The following KLF12 variants were observed in gnomAD, a reference collection of about 807,000 sequenced individuals.
The protein encoded by KLF12 is KLF transcription factor 12, also known as Krueppel-like factor 12.
In KLF12, 9 loss-of-function variants were observed where a neutral mutation model predicts 37.8. The observed-to-expected ratio is 0.24, with a 90% confidence interval of 0.14 to 0.42. KLF12 has a LOEUF of 0.42. Among genes scored for constraint, KLF12 ranks in the 10% least tolerant of loss-of-function variants. The pLI, the probability that KLF12 is intolerant of heterozygous loss-of-function variation, is 1.00. For missense variants in KLF12, 411 were observed against 516.0 expected (o/e 0.80, Z 1.97); for synonymous variants, 208 against 202.1 (o/e 1.03, Z -0.25).
At chr13:73,769,144 T>C (rs1880116499) in intron 5 of KLF12, among the ~76,000 whole-genome samples, 1 of 152,228 alleles carries the variant, frequency 6.6e-6, no homozygotes, top group African/African-American at 2.4e-5. Context: ...TTCCTTGTTA[T>C]ATTAGCATTG....
At chr13:73,866,772 G>C (rs1452273844) in intron 3 of KLF12, among the ~76,000 whole-genome samples, 2 of 151,556 alleles carry the variant, frequency 1.3e-5, no homozygotes, top group Admixed American at 1.3e-4. Context: ...AAAGAGCAAA[G>C]GAAAAGGTAA....
the KLF12 span, among the ~76,000 whole-genome samples, chr13:74,260,928 A>G: frequency 1.3e-5 from 2 of 152,188 alleles, no homozygotes; most frequent in Admixed American, 1.3e-4. Context: ...AGCAAACTAA[A>G]TATTTTGAAA....
At position 73,835,878 on chromosome 13, in the gene KLF12, A is replaced by G. The variant is rs1474303008; in HGVS notation, c.670+9949T>C. 2.0e-5 allele frequency among the ~76,000 whole-genome samples: 3 copies of G among 152,172 alleles called. No individual in the cohort carries two copies. In the East Asian group the frequency reaches 5.8e-4, roughly 29 times the overall value. On this transcript the variant is annotated intron_variant, in intron 4 of 7. Coordinates refer to ENST00000377669, the MANE Select transcript of KLF12 (RefSeq NM_007249.5). ...TGAGCTACTAAACTGATATCCAACC[A>G]GAAATGACCCCCAGTGTGATAATCA... is the stretch of plus-strand genomic sequence containing the variant.
chr13:73,984,799 C>T (rs1280060325), intron 2 of KLF12, among the ~76,000 whole-genome samples: 1 of 152,200 alleles, frequency 6.6e-6, no homozygotes, highest in African/African-American at 2.4e-5. Flanking sequence ...ACGGATTCCT[C>T]CAGTTTGAAG....
chr13:74,038,403 TAC>T (rs1384882317), intron 1 of KLF12, among the ~76,000 whole-genome samples: 2 of 152,192 alleles, frequency 1.3e-5, no homozygotes, highest in Non-Finnish European at 1.5e-5. Flanking sequence ...ATGCTGGGGC[TAC>T]AGACACAACA....
intron 6 of KLF12, among the ~76,000 whole-genome samples, chr13:73,746,808 TCC>T (rs1163797169): frequency 3.4e-4 from 44 of 127,696 alleles, no homozygotes; most frequent in Non-Finnish European, 6.1e-4. Context: ...CCTCCCTCCC[TCC>T]TTTTTTTTTT....
chr13:74,103,887 T>C (rs1427356365), intron 1 of KLF12, among the ~76,000 whole-genome samples: 2 of 152,194 alleles, frequency 1.3e-5, no homozygotes, highest in Admixed American at 6.5e-5. Flanking sequence ...ACAAAGTAAT[T>C]GAGAAACAAA....
rs563215114 is a variant in KLF12, at chr13:74,039,179, G to A, written c.-31-44126C>T. ...TTTAATTTATTAGTCTCTCTGCCAAGTTGGTCTAATCAGATCTTTGGGTTC... is the reference window on the plus strand; with the variant it reads ...TTTAATTTATTAGTCTCTCTGCCAAATTGGTCTAATCAGATCTTTGGGTTC... On this transcript the variant is annotated intron_variant, in intron 1 of 7. Coordinates refer to ENST00000377669, the MANE Select transcript of KLF12 (RefSeq NM_007249.5). Among the ~76,000 whole-genome samples, 359 of 152,072 alleles carry A rather than the reference G, an allele frequency of 2.4e-3. 1 individual carries two copies. Among genetic ancestry groups the A allele is most frequent in the Admixed American group, 4.9e-3 (75 of 15,254 alleles).
At chr13:73,869,415 T>C (rs561749580) in intron 3 of KLF12, among the ~76,000 whole-genome samples, 5 of 152,152 alleles carry the variant, frequency 3.3e-5, no homozygotes, top group Non-Finnish European at 7.4e-5. Flanking sequence ...TAAGTTTATA[T>C]GATTGTTAGT....
chr13:73,772,025 T>C (rs1178544025), intron 5 of KLF12, among the ~76,000 whole-genome samples: 1 of 152,178 alleles, frequency 6.6e-6, no homozygotes, highest in Non-Finnish European at 1.5e-5. Context: ...GGAGACAAGC[T>C]TGATGTTAAG....
chr13:73,826,828 C>G (rs965691992), intron 4 of KLF12, among the ~76,000 whole-genome samples: 4 of 152,116 alleles, frequency 2.6e-5, no homozygotes, highest in African/African-American at 7.2e-5. Flanking sequence ...GTCACCCAAG[C>G]TGCAGTGCAG....
intron 4 of KLF12, among the ~76,000 whole-genome samples, chr13:73,827,992 G>A (rs915533676): frequency 1.3e-5 from 2 of 151,932 alleles, no homozygotes; most frequent in Non-Finnish European, 2.9e-5. Context: ...TGTTTGCAAA[G>A]GTATATTCTT....
Position 73,695,379 on chromosome 13 carries a change from G to T in KLF12, c.*111C>A. 1 of 1,023,882 alleles carries T rather than the reference G, an allele frequency of 9.8e-7. No individual in the cohort carries two copies. Among genetic ancestry groups the T allele is most frequent in the Non-Finnish European group, 1.4e-6 (1 of 692,396 alleles). The allele number at this position is 1,023,882 out of a possible 1,614,324, so 63.4% of individuals were successfully genotyped here. A position where few individuals can be genotyped will look rare whatever the true frequency, so the allele number is the denominator to read the frequency against. ...TTTTCCTGCTCTGGTTTCAGACATC[G>T]TGGGATGGTGATGCCCTTTTGTGTT... On this transcript the variant is annotated 3_prime_UTR_variant, in exon 8 of 8. Transcript: ENST00000377669.
the KLF12 span, among the ~76,000 whole-genome samples, chr13:74,228,899 A>G: frequency 6.6e-6 from 1 of 152,086 alleles, no homozygotes; most frequent in South Asian, 2.1e-4. Flanking sequence ...CACCAGAAAA[A>G]TGAAGGAAAT....
intron 1 of KLF12, among the ~76,000 whole-genome samples, chr13:74,096,352 G>A (rs1391352080): frequency 1.3e-5 from 2 of 152,094 alleles, no homozygotes; most frequent in Non-Finnish European, 2.9e-5. Context: ...AAATCTAAAA[G>A]TGAACTAGAC....
the KLF12 span, among the ~76,000 whole-genome samples, chr13:74,196,338 G>A: frequency 6.6e-6 from 1 of 152,142 alleles, no homozygotes; most frequent in Admixed American, 6.6e-5. Context: ...ATCAGAAGGA[G>A]GAGGGAGAGA....
the KLF12 span, among the ~76,000 whole-genome samples, chr13:74,244,416 C>T: frequency 2.0e-5 from 3 of 152,244 alleles, no homozygotes; most frequent in East Asian, 5.8e-4. Context: ...CCAAACTTAT[C>T]ACTTTCTACT....
intron 5 of KLF12, among the ~76,000 whole-genome samples, chr13:73,782,656 T>C (rs375032317): frequency 1.3e-4 from 20 of 152,356 alleles, no homozygotes; most frequent in African/African-American, 4.1e-4. Context: ...GTAACCAGTA[T>C]TTTGGAAATG....
At chr13:73,837,042 G>A (rs1884471541) in intron 4 of KLF12, among the ~76,000 whole-genome samples, 1 of 152,112 alleles carries the variant, frequency 6.6e-6, no homozygotes, top group Admixed American at 6.5e-5. Context: ...CTAACAAATG[G>A]ATTTGACTGT....
Sources: allele counts gnomAD v4.1 joint callset (sites outside exome capture counted in the v4.1 genomes callset), GRCh38; gene constraint gnomAD v4.1.1; transcripts MANE v1.5; gene names NCBI Gene and HGNC (gene_info 2026-07-23, HGNC 2026-07-21).